The following CAD variants were observed in gnomAD, a reference collection of about 807,000 sequenced individuals.
CAD encodes the protein carbamoyl-phosphate synthetase 2, aspartate transcarbamylase, and dihydroorotase.
CAD carries 81 observed loss-of-function variants against 237.2 expected under a neutral mutation model. The ratio of observed to expected loss-of-function variants is 0.34; its 90% CI spans 0.29 to 0.41. The LOEUF is 0.41. Among genes scored for constraint, CAD ranks in the 10% least tolerant of loss-of-function variants. CAD has a pLI of 1.00. For synonymous variants in CAD, 1,196 were observed against 1,162.8 expected, an observed-to-expected ratio of 1.03 and a Z score of -0.58; for missense variants, 2,181 against 2,951.7, an observed-to-expected ratio of 0.74 and a Z score of 6.05.
In CAD at chr2:27,242,862, C is replaced by T; in HGVS notation, c.6379-10C>T. ...GCGCTGCATCCACCATGGCTCTCCT[C>T]ACCCTCCAGGAGGAATTCGAGAGCA... On this transcript the variant is annotated splice_polypyrimidine_tract_variant and intron_variant, in intron 41 of 43. Transcript: ENST00000264705. The surrounding 1 kb of genome is among the most constrained non-coding windows in gnomAD (Gnocchi z 6.4). 1.2e-6 allele frequency: 2 copies of T among 1,613,632 alleles called. No homozygotes were observed. Among genetic ancestry groups the T allele is most frequent in the Non-Finnish European group, 1.7e-6 (2 of 1,179,516 alleles).
rs1417695991 is a variant in CAD, at chr2:27,240,986, C to T, written c.5638+31C>T. 8 of 1,614,050 alleles carry T rather than the reference C, an allele frequency of 5.0e-6. No individual in the cohort carries two copies. The highest frequency in any genetic ancestry group is 2.2e-5 in the East Asian group (1 of 44,880). On this transcript the variant is annotated intron_variant, in intron 36 of 43. Coordinates refer to ENST00000264705, the MANE Select transcript of CAD (RefSeq NM_004341.5). The surrounding 1 kb of genome is among the most constrained non-coding windows in gnomAD (Gnocchi z 4.6). ...ACTCCACCCTGACACACACTCACCT[C>T]GGGGACCTCTGATCTGGCCTTGGTA...
Position 27,235,568 on chromosome 2 carries a change from A to C in CAD, c.4002A>C (p.Leu1334=), listed in dbSNP as rs760381973. The C allele has an allele frequency of 1.2e-6, 2 of 1,614,198 alleles. No individual in the cohort carries two copies. The highest frequency in any genetic ancestry group is 1.7e-6 in the Non-Finnish European group (2 of 1,180,020). ...GCGAGCTGCTCCCAACTGTGCGGCT[A>C]CTGGAGAGCCTGGGCTACAGCCTCT... ...NKSELLPTVR[L]LESLGYSLYA... is the part of the protein sequence containing the mutation. Residue 1334 remains leucine, a synonymous_variant, in exon 25 of 44, where the codon CTA becomes CTC. Coordinates refer to ENST00000264705, the MANE Select transcript of CAD (RefSeq NM_004341.5). This position sits in a 1 kb window ranked among gnomAD's most constrained non-coding sequence, Gnocchi z 5.2.
chr2:27,219,482 A>G (rs528089875), intron 2 of CAD, among the ~76,000 whole-genome samples: 2 of 152,260 alleles, frequency 1.3e-5, no homozygotes, highest in East Asian at 3.9e-4. Flanking sequence ...AGCTGGGACT[A>G]CAGGCACCTG....
rs774814808 is a variant in CAD at position 27,241,858 on chromosome 2, T to C, written c.5884-53T>C. The C allele has an allele frequency of 1.7e-4, 258 of 1,486,064 alleles. No homozygotes were observed. The highest frequency in any genetic ancestry group is 2.7e-4 in the Admixed American group (16 of 58,442). The allele number at this position is 1,486,064 out of a possible 1,614,324, so 92.1% of individuals were successfully genotyped here. A position where few individuals can be genotyped will look rare whatever the true frequency, so the allele number is the denominator to read the frequency against. On this transcript the variant is annotated intron_variant, in intron 38 of 43. Transcript: ENST00000264705. The surrounding 1 kb of genome is among the most constrained non-coding windows in gnomAD (Gnocchi z 4.6). ...TTGGGGTGGTGGTGCCTAGCTGGGG[T>C]TTCCCCAGGGTGGACACGCATACGT...
In CAD at chr2:27,223,533, G is replaced by A. The variant is rs773351400; in HGVS notation, c.810-30G>A. The A allele has an allele frequency of 8.1e-6, 13 of 1,605,490 alleles. No homozygotes were observed. The South Asian group carries it at 1.3e-4, about 16-fold the overall frequency. On this transcript the variant is annotated intron_variant, in intron 6 of 43. Coordinates refer to ENST00000264705, the MANE Select transcript of CAD (RefSeq NM_004341.5). ...CAGTAGTGAAGAGAGGGTGAGCAGG[G>A]CCTGTGACTCGGCATGCTTCTACCT...
Position 27,242,616 on chromosome 2 carries a change from C to A in CAD, c.6223-4C>A, listed in dbSNP as rs979761225. 6.3e-7 allele frequency: 1 copy of A among 1,589,510 alleles called. No individual in the cohort carries two copies. The highest frequency in any genetic ancestry group is 8.6e-7 in the Non-Finnish European group (1 of 1,164,038). On this transcript the variant is annotated splice_polypyrimidine_tract_variant and splice_region_variant and intron_variant, in intron 40 of 43. Coordinates refer to ENST00000264705, the MANE Select transcript of CAD (RefSeq NM_004341.5). The surrounding 1 kb of genome is among the most constrained non-coding windows in gnomAD (Gnocchi z 6.4). The stretch of plus-strand genomic sequence containing the variant: ...TCCCTGTGGTGACTGGATTCCTCTC[C>A]TAGATCACGATGGTGGGTGACCTGA...
chr2:27,236,628 G>A lies in CAD; in HGVS notation c.4314+105G>A. 1.3e-6 allele frequency: 2 copies of A among 1,561,864 alleles called. No individual in the cohort carries two copies. The highest frequency in any genetic ancestry group is 2.2e-5 in the South Asian group (2 of 89,334). ...GCCATGCTAGTAATAAAGCTTTGTG[G>A]CTACAGAGGGAGAGATGGTGGGTAT... On this transcript the variant is annotated intron_variant, in intron 26 of 43. Transcript: ENST00000264705. This position sits in a 1 kb window ranked among gnomAD's most constrained non-coding sequence, Gnocchi z 4.1.
Position 27,242,440 on chromosome 2 carries a change from G to T in CAD, c.6222+13G>T. 1 of 1,611,472 alleles carries T rather than the reference G, an allele frequency of 6.2e-7. No individual in the cohort carries two copies. Among genetic ancestry groups the T allele is most frequent in the African/African-American group, 1.3e-5 (1 of 74,994 alleles). ...CAATGGCATGACGGTGAGGGTGGTGGCAGGGTTTGGATCCCTGCCAGGGGA... is the reference window on the plus strand; with the variant it reads ...CAATGGCATGACGGTGAGGGTGGTGTCAGGGTTTGGATCCCTGCCAGGGGA... On this transcript the variant is annotated intron_variant, in intron 40 of 43. Transcript: ENST00000264705. This position sits in a 1 kb window ranked among gnomAD's most constrained non-coding sequence, Gnocchi z 6.4.
At position 27,243,872 on chromosome 2, in the gene CAD, G is replaced by A. The variant is rs775411632; in HGVS notation, c.*354G>A. ...GAGCAGCCTCACCAGGCAGGGCTCT[G>A]GCTAGGGCTGCGTGCCCACACTCGG... On this transcript the variant is annotated 3_prime_UTR_variant, in exon 44 of 44. Coordinates refer to ENST00000264705, the MANE Select transcript of CAD (RefSeq NM_004341.5). 3.8e-5 allele frequency: 9 copies of A among 237,770 alleles called. No homozygotes were observed. Among genetic ancestry groups the A allele is most frequent in the Non-Finnish European group, 5.8e-5 (7 of 121,128 alleles). 14.7% of individuals were successfully genotyped at this position (237,770 alleles called of 1,614,324 possible).
In CAD at chr2:27,217,974, T is replaced by C. The variant is rs1246358369; in HGVS notation, c.180T>C (p.Tyr60=). Residue 60 remains tyrosine (Y), a synonymous_variant, in exon 2 of 44, where the codon TAT becomes TAC. Transcript: ENST00000264705. ...TCACCTATCCTCTGATCGGCAACTATGGCATCCCCCCAGATGAAATGGATG... is the reference window on the plus strand; with the variant it reads ...TCACCTATCCTCTGATCGGCAACTACGGCATCCCCCCAGATGAAATGGATG... ...LVLTYPLIGN[Y]GIPPDEMDEF... 1 of 1,612,586 alleles carries C rather than the reference T, an allele frequency of 6.2e-7. No homozygotes were observed. Among genetic ancestry groups the C allele is most frequent in the East Asian group, 2.2e-5 (1 of 44,704 alleles).
chr2:27,243,496 C>T lies in CAD; in HGVS notation c.6656C>T (p.Ala2219Val). 1 of 1,601,754 alleles carries T rather than the reference C, an allele frequency of 6.2e-7. No homozygotes were observed. Among genetic ancestry groups the T allele is most frequent in the Non-Finnish European group, 8.5e-7 (1 of 1,174,958 alleles). ...ATGTACATCCGCATGGCTCTGTTAG[C>T]CACCGTGCTGGGCCGTTTCTAGGGC... ...NGMYIRMALL[A>V]TVLGRF The change falls in exon 44 of 44, where the codon GCC (alanine) becomes GTC (valine). Residue 2219 changes from alanine (A) to valine (V), a missense_variant. Ala to Val is a moderately conservative substitution (Grantham distance 64). Coordinates refer to ENST00000264705, the MANE Select transcript of CAD (RefSeq NM_004341.5).
chr2:27,226,780 C>A (rs1675461646), intron 14 of CAD, 52 bp from the exon 15 acceptor site: 2 of 1,608,916 alleles, frequency 1.2e-6, no homozygotes, highest in Non-Finnish European at 1.7e-6. Flanking sequence ...CGGAAGCTCA[C>A]CCTTTATGCT....
rs773095011 is a variant in CAD, at chr2:27,232,217, G to A, written c.2638G>A (p.Val880Ile). 2.0e-5 allele frequency: 32 copies of A among 1,614,008 alleles called. No homozygotes were observed. The highest frequency in any genetic ancestry group is 9.9e-5 in the South Asian group (9 of 91,086). Reference sequence around the variant, plus strand: ...CTCAGACAAACAGATTGCCCTTGCAGTTCTGAGGTCAGAGGTGGCAATGAG... The same window carrying A: ...CTCAGACAAACAGATTGCCCTTGCAATTCTGAGGTCAGAGGTGGCAATGAG... Reference protein sequence around the residue: ...GFSDKQIALAVLSTELAVRKL... With the variant: ...GFSDKQIALAILSTELAVRKL... The change falls in exon 17 of 44, where the codon GTT (valine) becomes ATT (isoleucine). Residue 880 changes from valine to isoleucine, a missense_variant. By Grantham distance (29) the Val-to-Ile change is conservative (BLOSUM62 3). Around this residue, in one of 12 missense-constraint regions of CAD, gnomAD observed 385 missense variants for 535.1 expected, o/e 0.72. Coordinates refer to ENST00000264705, the MANE Select transcript of CAD (RefSeq NM_004341.5). This position sits in a 1 kb window ranked among gnomAD's most constrained non-coding sequence, Gnocchi z 4.1.
At chr2:27,230,580 C>T (rs761316803) in intron 15 of CAD, among the ~76,000 whole-genome samples, 8 of 151,754 alleles carry the variant, frequency 5.3e-5, no homozygotes, top group African/African-American at 7.3e-5. Flanking sequence ...GAGTCGAGAC[C>T]GTGCCATTGC....
chr2:27,234,225 A>G lies in CAD; in HGVS notation c.3617A>G (p.Lys1206Arg). ...TGPFNLQLIA[K>R]DDQLKVIECN... is the part of the protein sequence containing the mutation. ...CCCTTCAATCTGCAGCTCATTGCCA[A>G]GGTAATAAGGCTAAAGGAAAGAACT... The change falls in exon 22 of 44, where the codon AAG becomes AGG. Residue 1206 changes from lysine to arginine, a missense_variant and splice_region_variant. Coordinates refer to ENST00000264705, the MANE Select transcript of CAD (RefSeq NM_004341.5). The G allele has an allele frequency of 1.2e-6, 2 of 1,613,598 alleles. No homozygotes were observed. The highest frequency in any genetic ancestry group is 1.7e-6 in the Non-Finnish European group (2 of 1,179,484).
chr2:27,224,704 C>T, intron 9 of CAD, 41 bp from the exon 10 acceptor site: 1 of 1,613,668 alleles, frequency 6.2e-7, no homozygotes, highest in South Asian at 1.1e-5. Flanking sequence ...TGCAATTTTG[C>T]TTCTTCAGCA....
In CAD at chr2:27,217,882, C is replaced by T; in HGVS notation, c.88C>T (p.Gln30Ter). The change falls in exon 2 of 44, where the codon CAA becomes TAA. Residue 30 changes from glutamine (Q) to a stop codon, truncating the protein, a stop_gained. Coordinates refer to ENST00000264705, the MANE Select transcript of CAD (RefSeq NM_004341.5). LOFTEE classifies it high-confidence loss of function. ...GCCCTGCTTCTTTCTTGCAGTGTTTCAAACCGGCATGGTCGGCTACCCCGA... is the reference window on the plus strand; with the variant it reads ...GCCCTGCTTCTTTCTTGCAGTGTTTTAAACCGGCATGGTCGGCTACCCCGA... ...AVSTAGEVVF[Q>*]TGMVGYPEAL... 1 of 1,601,590 alleles carries T rather than the reference C, an allele frequency of 6.2e-7. No individual in the cohort carries two copies. The highest frequency in any genetic ancestry group is 1.1e-5 in the South Asian group (1 of 89,236).
chr2:27,242,162 C>T lies in CAD; in HGVS notation c.6096+39C>T, dbSNP rs1186455641. 1.2e-6 allele frequency: 2 copies of T among 1,603,692 alleles called. No homozygotes were observed. The highest frequency in any genetic ancestry group is 1.7e-6 in the Non-Finnish European group (2 of 1,173,532). The stretch of plus-strand genomic sequence containing the variant: ...GGGTACTGAGATGGGGTTAAGAAGG[C>T]TGGACCCAGGGGCATGAGAACCCTT... On this transcript the variant is annotated intron_variant, in intron 39 of 43. Transcript: ENST00000264705. The surrounding 1 kb of genome is among the most constrained non-coding windows in gnomAD (Gnocchi z 6.4).
intron 2 of CAD, among the ~76,000 whole-genome samples, chr2:27,218,735 T>G (rs1313650980): frequency 6.6e-6 from 1 of 152,172 alleles, no homozygotes; most frequent in African/African-American, 2.4e-5. Flanking sequence ...GGAAACTAAG[T>G]TGCCCTCTGA....
Sources: gnomAD v4.1 joint callset for allele counts (sites outside exome capture counted in the v4.1 genomes callset) on GRCh38, gnomAD v4.1.1 for gene constraint, gnomAD v4.1.1 regional missense constraint, Gnocchi (gnomAD v3.1) non-coding constraint, MANE v1.5 for transcripts, NCBI Gene and HGNC (gene_info 2026-07-23, HGNC 2026-07-21) for gene names.